LZTS1: variants seen among roughly 807,000 people sequenced by gnomAD.
The protein encoded by LZTS1 is leucine zipper putative tumor suppressor 1.
LZTS1 carries 31 observed loss-of-function variants against 45.8 expected under a neutral mutation model. That is an observed-to-expected ratio of 0.68 (90% CI 0.51 to 0.91). The LOEUF (loss-of-function observed/expected upper bound fraction) is 0.91, where lower values mean the gene tolerates loss of function less well. Ranked by LOEUF, LZTS1 falls within the 40% of genes least tolerant of loss-of-function variation. The pLI is 0.00. For synonymous variants in LZTS1, 359 were observed against 357.3 expected (o/e 1.00, Z -0.05); for missense variants, 821 against 788.9 (o/e 1.04, Z -0.49).
rs1799843207 is a variant in LZTS1 at position 20,249,971 on chromosome 8, C to T, written c.1542G>A (p.Glu514=). 1 of 1,613,850 alleles carries T rather than the reference C, an allele frequency of 6.2e-7. No homozygotes were observed. The highest frequency in any genetic ancestry group is 1.3e-5 in the African/African-American group (1 of 74,954). The change falls in exon 4 of 4, where the codon GAG becomes GAA. Residue 514 remains glutamate (E), a synonymous_variant. Coordinates refer to ENST00000381569, the MANE Select transcript of LZTS1 (RefSeq NM_021020.5). ...AGGACATCTGGTCATGGCCTTGCCG[C>T]TCCTCCCGCAGCTCGGCCCGCAGCC... The part of the protein sequence containing the change: ...LERLRAELRE[E]RQGHDQMSSG...
At position 20,250,155 on chromosome 8, in the gene LZTS1, T is replaced by A. The variant is rs1436474927; in HGVS notation, c.1358A>T (p.Glu453Val). The A allele has an allele frequency of 6.2e-7, 1 of 1,609,604 alleles. No individual in the cohort carries two copies. The change falls in exon 4 of 4, where the codon GAG becomes GTG. Residue 453 changes from glutamate (E) to valine (V), a missense_variant. By Grantham distance (121) the Glu-to-Val change is moderately radical. Transcript: ENST00000381569. ...CGCCTCGTTCTTCTTGCGCTGCAGC[T>A]CATTCTCACAGACCTCCAGCTCCAG... The part of the protein sequence containing the change: ...KGLELEVCEN[E>V]LQRKKNEAEL...
Position 20,258,891 on chromosome 8 carries a change from G to C in LZTS1, c.-134-3576C>G, listed in dbSNP as rs536385907. ...TGCAACCTTTCTGCCTCCCATTCCT[G>C]CGAGGTGTGACTTAGGAGCACAGGG... is the stretch of plus-strand genomic sequence containing the variant. On this transcript the variant is annotated intron_variant, in intron 1 of 3. Transcript: ENST00000381569. 2.6e-4 allele frequency among the ~76,000 whole-genome samples: 40 copies of C among 152,212 alleles called. 1 individual carries two copies. The South Asian group carries it at 4.8e-3, about 18-fold the overall frequency.
chr8:20,303,796 G>T lies in LZTS1; in HGVS notation c.-191C>A, dbSNP rs1200694617. On this transcript the variant is annotated 5_prime_UTR_variant, in exon 1 of 4. Transcript: ENST00000381569. ...TTTTTTTTTTTCCCAGTGTTTCCCG[G>T]TGTGTTCCCGTCTCTCTTTTTCCAG... 2 of 984,686 alleles carry T rather than the reference G, an allele frequency of 2.0e-6. No individual in the cohort carries two copies. Among genetic ancestry groups the T allele is most frequent in the African/African-American group, 3.5e-5 (2 of 57,034 alleles). The allele number at this position is 984,686 out of a possible 1,614,324, so 61.0% of individuals were successfully genotyped here. A position where few individuals can be genotyped will look rare whatever the true frequency, so the allele number is the denominator to read the frequency against.
Position 20,303,928 on chromosome 8 carries a change from T to C in LZTS1, c.-323A>G. On this transcript the variant is annotated 5_prime_UTR_variant, in exon 1 of 4. Coordinates refer to ENST00000381569, the MANE Select transcript of LZTS1 (RefSeq NM_021020.5). ...ACTTTCGGCCTCCCCGCCCGGCCGC[T>C]GCCAACCCGCCAGCTCCAGGCGCGC... 1.0e-6 allele frequency: 1 copy of C among 983,022 alleles called. No homozygotes were observed. The highest frequency in any genetic ancestry group is 1.2e-6 in the Non-Finnish European group (1 of 828,836). 60.9% of individuals were successfully genotyped at this position (983,022 alleles called of 1,614,324 possible).
At position 20,250,179 on chromosome 8, in the gene LZTS1, A is replaced by G; in HGVS notation, c.1334T>C (p.Leu445Pro). The G allele has an allele frequency of 6.2e-7, 1 of 1,611,106 alleles. No individual in the cohort carries two copies. ...DLEGALRTKG[L>P]ELEVCENELQ... is the part of the protein sequence containing the mutation. ...CTCATTCTCACAGACCTCCAGCTCC[A>G]GGCCCTTGGTGCGCAGGGCGCCCTC... The change falls in exon 4 of 4, where the codon CTG becomes CCG. Residue 445 changes from leucine (L) to proline (P), a missense_variant. Transcript: ENST00000381569.
At chr8:20,300,487 G>A (rs181587393) in intron 1 of LZTS1, among the ~76,000 whole-genome samples, 3 of 151,822 alleles carry the variant, frequency 2.0e-5, no homozygotes, top group Non-Finnish European at 4.4e-5. Flanking sequence ...TGCCCGCCAC[G>A]ACGCCCGGCT....
intron 1 of LZTS1, among the ~76,000 whole-genome samples, chr8:20,261,064 C>A (rs1363161139): frequency 6.6e-6 from 1 of 152,168 alleles, no homozygotes; most frequent in African/African-American, 2.4e-5. Flanking sequence ...TCCATAAGGA[C>A]AGGGTCAACA....
In LZTS1 at chr8:20,247,533, C is replaced by T. The variant is rs898065800; in HGVS notation, c.*2189G>A. The stretch of plus-strand genomic sequence containing the variant: ...GACTGTGCCCAATGGAGGGTACTGC[C>T]CTCAGGCAGGGAGGGACTTTTGGCT... On this transcript the variant is annotated 3_prime_UTR_variant, in exon 4 of 4. Coordinates refer to ENST00000381569, the MANE Select transcript of LZTS1 (RefSeq NM_021020.5). 2 of 152,802 alleles carry T rather than the reference C, an allele frequency of 1.3e-5. No homozygotes were observed. Among genetic ancestry groups the T allele is most frequent in the African/African-American group, 4.8e-5 (2 of 41,468 alleles). 9.5% of individuals were successfully genotyped at this position (152,802 alleles called of 1,614,324 possible).
rs776333188 is a variant in LZTS1 at position 20,250,364 on chromosome 8, C to T, written c.1150-1G>A. 1.9e-6 allele frequency: 3 copies of T among 1,592,478 alleles called. No homozygotes were observed. The highest frequency in any genetic ancestry group is 2.6e-6 in the Non-Finnish European group (3 of 1,167,960). On this transcript the variant is annotated splice_acceptor_variant, in intron 3 of 3. Coordinates refer to ENST00000381569, the MANE Select transcript of LZTS1 (RefSeq NM_021020.5). LOFTEE classifies it high-confidence loss of function. The stretch of plus-strand genomic sequence containing the variant: ...AGATCTCGCCTGACTTCTGGCACAC[C>T]TGCCGAGGGTGGGGTGGAGACAGAG...
intron 1 of LZTS1, among the ~76,000 whole-genome samples, chr8:20,295,807 G>A (rs1800969297): frequency 6.6e-6 from 1 of 151,988 alleles, no homozygotes; most frequent in African/African-American, 2.4e-5. Flanking sequence ...AGTAGCAGGT[G>A]GACCCCTCTG....
intron 1 of LZTS1, among the ~76,000 whole-genome samples, chr8:20,270,993 A>C (rs1585291080): frequency 6.6e-6 from 1 of 152,102 alleles, no homozygotes; most frequent in Non-Finnish European, 1.5e-5. Flanking sequence ...CGTGGCACGA[A>C]GAGTTTAACC....
At chr8:20,250,398 G>C (rs751435681) in intron 3 of LZTS1, 35 bp from the exon 4 acceptor site, 1 of 1,544,700 alleles carries the variant, frequency 6.5e-7, no homozygotes, top group South Asian at 1.2e-5. Context: ...AGTGCCAAGA[G>C]GTGAGTGTCC....
intron 1 of LZTS1, among the ~76,000 whole-genome samples, chr8:20,265,214 A>T (rs1274264166): frequency 6.6e-6 from 1 of 152,180 alleles, no homozygotes; most frequent in Non-Finnish European, 1.5e-5. Flanking sequence ...AATCTTAGCC[A>T]TGGGAACCAC....
chr8:20,301,305 A>C (rs906343214), intron 1 of LZTS1, among the ~76,000 whole-genome samples: 2 of 152,134 alleles, frequency 1.3e-5, no homozygotes, highest in Admixed American at 1.3e-4. Flanking sequence ...TCGGTTTTGT[A>C]GCCTGGCTAA....
In LZTS1 at chr8:20,264,457, A is replaced by G. The variant is rs184428855; in HGVS notation, c.-134-9142T>C. 4.6e-5 allele frequency among the ~76,000 whole-genome samples: 7 copies of G among 152,332 alleles called. No individual in the cohort carries two copies. In the South Asian group the frequency reaches 6.2e-4, roughly 14 times the overall value. On this transcript the variant is annotated intron_variant, in intron 1 of 3. Transcript: ENST00000381569. Reference sequence around the variant, plus strand: ...AGGAGAGACGACATCTAGGACCTCTATTAGCCAAGATATCAAAGGAAGGCA... The same window carrying G: ...AGGAGAGACGACATCTAGGACCTCTGTTAGCCAAGATATCAAAGGAAGGCA...
chr8:20,295,368 G>T (rs1800963372), intron 1 of LZTS1, among the ~76,000 whole-genome samples: 1 of 152,218 alleles, frequency 6.6e-6, no homozygotes, highest in Non-Finnish European at 1.5e-5. Context: ...TTCCCACTGA[G>T]ATTGCAGACC....
Position 20,303,753 on chromosome 8 carries a change from C to T in LZTS1, c.-148G>A. The T allele has an allele frequency of 1.0e-6, 1 of 985,436 alleles. No homozygotes were observed. Among genetic ancestry groups the T allele is most frequent in the South Asian group, 4.7e-5 (1 of 21,298 alleles). 61.0% of individuals were successfully genotyped at this position (985,436 alleles called of 1,614,324 possible). On this transcript the variant is annotated 5_prime_UTR_variant, in exon 1 of 4. Transcript: ENST00000381569. ...ACCGCACCTTACCTGCCCCCTGCGC[C>T]TCGGGCGCACTTGAGACTTTTTTTT...
Position 20,247,994 on chromosome 8 carries a change from A to G in LZTS1, c.*1728T>C, listed in dbSNP as rs1162440754. The G allele has an allele frequency of 6.5e-6, 1 of 152,738 alleles. No individual in the cohort carries two copies. The highest frequency in any genetic ancestry group is 1.9e-4 in the East Asian group (1 of 5,206). 9.5% of individuals were successfully genotyped at this position (152,738 alleles called of 1,614,324 possible). ...GGTCTGGCTTGCTTCTGAAAAGACAAGAAAGCAAAAAAGAAAAAGAAAGAA... is the reference window on the plus strand; with the variant it reads ...GGTCTGGCTTGCTTCTGAAAAGACAGGAAAGCAAAAAAGAAAAAGAAAGAA... On this transcript the variant is annotated 3_prime_UTR_variant, in exon 4 of 4. Coordinates refer to ENST00000381569, the MANE Select transcript of LZTS1 (RefSeq NM_021020.5).
chr8:20,281,710 G>A (rs1201338965), intron 1 of LZTS1, among the ~76,000 whole-genome samples: 2 of 152,158 alleles, frequency 1.3e-5, no homozygotes, highest in East Asian at 3.9e-4. Context: ...CATGTGATAT[G>A]TCTGTTCCCC....
Sources: gnomAD v4.1 joint callset for allele counts (sites outside exome capture counted in the v4.1 genomes callset) on GRCh38, gnomAD v4.1.1 for gene constraint, MANE v1.5 for transcripts, NCBI Gene and HGNC (gene_info 2026-07-23, HGNC 2026-07-21) for gene names.